Variants in XKR4 observed in about 807,000 individuals in gnomAD.
The protein encoded by XKR4 is XK-related protein 4.
XKR4 carries 12 observed loss-of-function variants against 53.9 expected under a neutral mutation model. The observed-to-expected ratio is 0.22, with a 90% CI of 0.14 to 0.36. The LOEUF (loss-of-function observed/expected upper bound fraction) is 0.36, where lower values mean the gene tolerates loss of function less well. XKR4 is among the 10% of genes least tolerant of loss of function. XKR4 has a pLI of 1.00. For synonymous variants in XKR4, 354 were observed against 362.4 expected (o/e 0.98, Z 0.26); for missense variants, 799 against 859.5 (o/e 0.93, Z 0.88).
At chr8:55,306,982 C>T (rs190087568) in intron 1 of XKR4, among the ~76,000 whole-genome samples, 11 of 148,358 alleles carry the variant, frequency 7.4e-5, no homozygotes, top group Admixed American at 5.4e-4. Context: ...CACCTATACA[C>T]AAATTAGATC....
chr8:55,161,687 G>A (rs1816988704), intron 1 of XKR4: 1 of 452,250 alleles, frequency 2.2e-6, no homozygotes, highest in Non-Finnish European at 4.4e-6. Context: ...CCTGGTACCT[G>A]CCTACTGGTC....
At chr8:55,286,375 G>A (rs1818906825) in intron 1 of XKR4, among the ~76,000 whole-genome samples, 1 of 152,174 alleles carries the variant, frequency 6.6e-6, no homozygotes, top group Non-Finnish European at 1.5e-5. Context: ...GGACACCGCA[G>A]GGTCCGTTCT....
chr8:55,124,091 C>T (rs1473864958), intron 1 of XKR4, among the ~76,000 whole-genome samples: 2 of 152,166 alleles, frequency 1.3e-5, no homozygotes, highest in Non-Finnish European at 2.9e-5. Context: ...CTGCCCTCCT[C>T]AAAGCTGTCA....
intron 2 of XKR4, among the ~76,000 whole-genome samples, chr8:55,521,323 G>C (rs974490799): frequency 1.3e-4 from 20 of 152,188 alleles, no homozygotes; most frequent in Non-Finnish European, 4.4e-5. Flanking sequence ...AAAGATGTTC[G>C]CATAGTCATT....
chr8:55,161,478 G>A, intron 1 of XKR4: 1 of 454,052 alleles, frequency 2.2e-6, no homozygotes, highest in Non-Finnish European at 4.4e-6. Context: ...GCTGGGCAGT[G>A]ATGGGTCCTT....
At chr8:55,249,635 G>T (rs1186665662) in intron 1 of XKR4, among the ~76,000 whole-genome samples, 1 of 152,174 alleles carries the variant, frequency 6.6e-6, no homozygotes, top group East Asian at 1.9e-4. Context: ...TTGTTTGGCA[G>T]CTCCATCAAA....
At chr8:55,157,965 A>G (rs556348329) in intron 1 of XKR4, among the ~76,000 whole-genome samples, 2 of 152,332 alleles carry the variant, frequency 1.3e-5, no homozygotes, top group Admixed American at 1.3e-4. Context: ...GTGAATAGCA[A>G]TGCAATGAAC....
intron 1 of XKR4, among the ~76,000 whole-genome samples, chr8:55,158,433 C>T (rs996522041): frequency 1.3e-5 from 2 of 152,120 alleles, no homozygotes; most frequent in African/African-American, 4.8e-5. Flanking sequence ...CAAATATTTT[C>T]TCCATTCTAT....
intron 1 of XKR4, among the ~76,000 whole-genome samples, chr8:55,183,312 AGGTTAAT>A (rs201431720): frequency 1.2e-3 from 179 of 151,472 alleles, no homozygotes; most frequent in African/African-American, 4.2e-3. Context: ...GTAAAAGCTT[AGGTTAAT>A]GGTTCAAGAC....
chr8:55,298,000 A>G (rs2129376364), intron 1 of XKR4, among the ~76,000 whole-genome samples: 1 of 152,302 alleles, frequency 6.6e-6, no homozygotes, highest in East Asian at 1.9e-4. Flanking sequence ...ATATACTCAG[A>G]ATTTTTCTAA....
chr8:55,457,277 G>T (rs1805585307), intron 2 of XKR4, among the ~76,000 whole-genome samples: 1 of 151,652 alleles, frequency 6.6e-6, no homozygotes, highest in Non-Finnish European at 1.5e-5. Flanking sequence ...TGAATAGCTG[G>T]GACTACAGGC....
chr8:55,438,880 G>C (rs1429213899), intron 2 of XKR4, among the ~76,000 whole-genome samples: 2 of 152,154 alleles, frequency 1.3e-5, no homozygotes, highest in Non-Finnish European at 2.9e-5. Flanking sequence ...CACTTGGAGA[G>C]CATCTGTTCA....
chr8:55,233,393 T>A (rs114140533), intron 1 of XKR4, among the ~76,000 whole-genome samples: 1,713 of 152,288 alleles, frequency 0.011, 39 homozygotes, highest in African/African-American at 0.039. Context: ...GATCTTTTTT[T>A]TTTTTTAAAC....
intron 2 of XKR4, among the ~76,000 whole-genome samples, chr8:55,443,550 A>AAAAAAAAAAAAAAAAAAAAAAAAAAC (rs1805300951): frequency 7.5e-6 from 1 of 133,360 alleles, no homozygotes; most frequent in Admixed American, 7.4e-5. Flanking sequence ...AAAAAAAAAA[A>AAAAAAAAAAAAAAAAAAAAAAAAAAC]AAAAAACAGA....
At chr8:55,122,872 A>T (rs1426648984) in intron 1 of XKR4, among the ~76,000 whole-genome samples, 3 of 151,606 alleles carry the variant, frequency 2.0e-5, no homozygotes, top group East Asian at 3.9e-4. Context: ...GGTCACATGG[A>T]GGGGGTCTTC....
intron 1 of XKR4, among the ~76,000 whole-genome samples, chr8:55,352,252 G>A (rs544328571): frequency 1.3e-4 from 20 of 152,352 alleles, no homozygotes; most frequent in Non-Finnish European, 2.4e-4. Context: ...AGATTCCAGC[G>A]TGATAAGGAA....
intron 1 of XKR4, among the ~76,000 whole-genome samples, chr8:55,152,321 T>C (rs1018364834): frequency 3.9e-5 from 6 of 152,206 alleles, no homozygotes; most frequent in Non-Finnish European, 5.9e-5. Flanking sequence ...ATAGATTCTA[T>C]GTAATTTTAA....
In XKR4 at chr8:55,489,635, A is replaced by T. The variant is rs898750387; in HGVS notation, c.1007-33646A>T. Among the ~76,000 whole-genome samples the T allele has an allele frequency of 5.3e-5, 8 of 152,218 alleles. No homozygotes were observed. The South Asian group carries it at 8.3e-4, about 16-fold the overall frequency. Reference sequence around the variant, plus strand: ...ATTATTATGATGCATCAAATATTTTATACTAGATCTATTCACTTAATATAT... The same window carrying T: ...ATTATTATGATGCATCAAATATTTTTTACTAGATCTATTCACTTAATATAT... On this transcript the variant is annotated intron_variant, in intron 2 of 2. Transcript: ENST00000327381.
chr8:55,498,802 G>C (rs1044215144), intron 2 of XKR4, among the ~76,000 whole-genome samples: 4 of 152,104 alleles, frequency 2.6e-5, no homozygotes, highest in Non-Finnish European at 5.9e-5. Flanking sequence ...CAGAGACAGA[G>C]AGAGAGAGAA....
Sources: gnomAD v4.1 joint callset for allele counts (sites outside exome capture counted in the v4.1 genomes callset) on GRCh38, gnomAD v4.1.1 for gene constraint, MANE v1.5 for transcripts, NCBI Gene and HGNC (gene_info 2026-07-23, HGNC 2026-07-21) for gene names.